MKRN2OS: variants seen among roughly 807,000 people sequenced by gnomAD.
MKRN2OS encodes MKRN2 opposite strand protein.
Under a neutral mutation model 18.2 loss-of-function variants are expected in MKRN2OS, and 17 were observed. That is an observed-to-expected ratio of 0.93 (90% confidence interval 0.64 to 1.40). The LOEUF is 1.40. Ranked by LOEUF, MKRN2OS falls within the 40% of genes most tolerant of loss-of-function variation. The pLI is 0.00. For synonymous variants in MKRN2OS, 121 were observed against 108.5 expected (o/e 1.12, Z -0.72); for missense variants, 337 against 283.0 (o/e 1.19, Z -1.37).
chr3:12,557,292 C>G, intron 1 of MKRN2OS: 2 of 1,325,348 alleles, frequency 1.5e-6, no homozygotes, highest in Non-Finnish European at 2.0e-6. Flanking sequence ...GAAAGTTACT[C>G]GGCTGTTCGC....
upstream of MKRN2OS, among the ~76,000 whole-genome samples, chr3:12,546,581 T>G (rs942844414): frequency 1.4e-5 from 2 of 142,698 alleles, no homozygotes; most frequent in African/African-American, 5.3e-5. Context: ...TGGGATTTTT[T>G]TTTTTTTTTT....
rs139750235 is a variant in MKRN2OS at position 12,544,590 on chromosome 3, G to A, written c.218+657C>T. 3.2e-3 allele frequency among the ~76,000 whole-genome samples: 482 copies of A among 151,572 alleles called. 1 individual carries two copies. The highest frequency in any genetic ancestry group is 0.011 in the African/African-American group (437 of 41,266). On this transcript the variant is annotated intron_variant, in intron 1 of 3. Transcript: ENST00000564146. Reference sequence around the variant, plus strand: ...ACTCGGGAGCCTGAGGCAGGCTCCCGAAAATCGCTTGAACCCGGGAGGTGG... The same window carrying A: ...ACTCGGGAGCCTGAGGCAGGCTCCCAAAAATCGCTTGAACCCGGGAGGTGG...
intron 1 of MKRN2OS, among the ~76,000 whole-genome samples, chr3:12,544,624 G>A (rs1449839154): frequency 6.6e-6 from 1 of 151,742 alleles, no homozygotes; most frequent in African/African-American, 2.4e-5. Context: ...GGAGGTTGCA[G>A]TAAGCTGAGA....
At chr3:12,560,481 A>AAAC (rs762424206) in intron 1 of MKRN2OS, among the ~76,000 whole-genome samples, 9 of 131,616 alleles carry the variant, frequency 6.8e-5, no homozygotes, top group Non-Finnish European at 1.2e-4. Flanking sequence ...GAAAATGTAA[A>AAAC]AAAAAAAAAA....
intron 1 of MKRN2OS, among the ~76,000 whole-genome samples, chr3:12,555,213 G>C: frequency 6.6e-6 from 1 of 151,290 alleles, no homozygotes; most frequent in East Asian, 1.9e-4. Flanking sequence ...TCCGGAGGCT[G>C]AGACAGGAGA....
At chr3:12,557,026 G>GCGGCGTGGGGCGGCGTGCGC in intron 1 of MKRN2OS, 1 of 1,044,186 alleles carries the variant, frequency 9.6e-7, no homozygotes, top group Non-Finnish European at 1.2e-6. Flanking sequence ...CACCGGAGGG[G>GCGGCGTGGGGCGGCGTGCGC]CGGCGTGCGC....
upstream of MKRN2OS, among the ~76,000 whole-genome samples, chr3:12,548,516 C>T (rs988864967): frequency 8.7e-5 from 13 of 150,128 alleles, no homozygotes; most frequent in Non-Finnish European, 1.8e-4. Context: ...TCTGTAGTCC[C>T]ACCTACTTGG....
intron 3 of MKRN2OS, 109 bp from the exon 4 acceptor site, chr3:12,540,542 C>G (rs1237511665): frequency 2.3e-6 from 3 of 1,284,734 alleles, no homozygotes; most frequent in African/African-American, 2.9e-5. Flanking sequence ...AAGCAAGGCC[C>G]CTGCATGTGC....
intron 1 of MKRN2OS, among the ~76,000 whole-genome samples, chr3:12,554,827 T>C (rs941977630): frequency 6.6e-6 from 1 of 152,222 alleles, no homozygotes; most frequent in African/African-American, 2.4e-5. Context: ...GAAAGATGTA[T>C]ACAAATTTGA....
intron 3 of MKRN2OS, 85 bp downstream of exon 3, chr3:12,541,775 G>T: frequency 7.3e-7 from 1 of 1,368,590 alleles, no homozygotes; most frequent in Non-Finnish European, 9.8e-7. Flanking sequence ...GTGCTGCTGA[G>T]TCCTCTGTGA....
chr3:12,549,605 T>C (rs2057913813), upstream of MKRN2OS, among the ~76,000 whole-genome samples: 1 of 152,182 alleles, frequency 6.6e-6, no homozygotes, highest in African/African-American at 2.4e-5. Context: ...TGGAGTGCAG[T>C]GGTGCAATCA....
chr3:12,540,129 A>T lies in MKRN2OS; in HGVS notation c.*64T>A. On this transcript the variant is annotated 3_prime_UTR_variant, in exon 4 of 4. Coordinates refer to ENST00000564146, the MANE Select transcript of MKRN2OS (RefSeq NM_001195279.2). Reference sequence around the variant, plus strand: ...CACAGTTAAATGCATTTAGAAATCCATAGTACTGATTAAAGGTAGCAACCA... The same window carrying T: ...CACAGTTAAATGCATTTAGAAATCCTTAGTACTGATTAAAGGTAGCAACCA... The T allele has an allele frequency of 6.5e-7, 1 of 1,532,598 alleles. No homozygotes were observed. The highest frequency in any genetic ancestry group is 2.0e-5 in the Admixed American group (1 of 50,910). 94.9% of individuals were successfully genotyped at this position (1,532,598 alleles called of 1,614,324 possible).
downstream of MKRN2OS, among the ~76,000 whole-genome samples, chr3:12,553,416 A>G (rs1040069624): frequency 3.3e-5 from 5 of 152,108 alleles, no homozygotes; most frequent in Non-Finnish European, 7.4e-5. Context: ...AAAACAATAT[A>G]GGTTTCTCAA....
downstream of MKRN2OS, among the ~76,000 whole-genome samples, chr3:12,550,595 C>T (rs1173555728): frequency 6.6e-6 from 1 of 152,176 alleles, no homozygotes. Flanking sequence ...TCCAAAATGC[C>T]CACTTGGCCC....
At chr3:12,549,647 A>C (rs917130485), upstream of MKRN2OS, among the ~76,000 whole-genome samples, 3 of 152,192 alleles carry the variant, frequency 2.0e-5, no homozygotes, top group Non-Finnish European at 2.9e-5. Context: ...TTCTGGGCTC[A>C]AGGGATCCTC....
At position 12,545,262 on chromosome 3, in the gene MKRN2OS, T is replaced by C; in HGVS notation, c.203A>G (p.Gln68Arg). ...EKCSFLLRPTQGTFLREYDGR... is the reference protein window; with the variant it reads ...EKCSFLLRPTRGTFLREYDGR... ...AACACTGTACCTAAGAAATGTCCCC[T>C]GAGTTGGTCTGAGGAGGAATGAACA... Residue 68 changes from glutamine (Q) to arginine (R), a missense_variant, in exon 1 of 4, where the codon CAG becomes CGG. Gln to Arg is a conservative substitution (Grantham distance 43, BLOSUM62 1). Transcript: ENST00000564146. 1.3e-6 allele frequency: 2 copies of C among 1,533,922 alleles called. No individual in the cohort carries two copies. The highest frequency in any genetic ancestry group is 2.7e-5 in the African/African-American group (2 of 73,110).
upstream of MKRN2OS, among the ~76,000 whole-genome samples, chr3:12,548,455 A>T (rs56389508): frequency 0.61 from 82,713 of 136,176 alleles, 27,655 homozygotes; most frequent in African/African-American, 0.86. Flanking sequence ...CTCAAAAAAA[A>T]AAAAAAAAAA....
At chr3:12,550,154 A>C (rs1435128882), upstream of MKRN2OS, among the ~76,000 whole-genome samples, 1 of 152,244 alleles carries the variant, frequency 6.6e-6, no homozygotes, top group Non-Finnish European at 1.5e-5. Context: ...CGTTTACAGC[A>C]GCTTCATTCA....
intron 1 of MKRN2OS, among the ~76,000 whole-genome samples, chr3:12,554,479 AATATATGAAAT>A (rs1337095559): frequency 9.1e-6 from 1 of 109,478 alleles, no homozygotes; most frequent in Non-Finnish European, 2.0e-5. Context: ...ATATATATGA[AATATATGAAAT>A]ATATATGAAA....
Sources: gnomAD v4.1 joint callset for allele counts (sites outside exome capture counted in the v4.1 genomes callset) on GRCh38, gnomAD v4.1.1 for gene constraint, MANE v1.5 for transcripts, NCBI Gene and HGNC (gene_info 2026-07-23, HGNC 2026-07-21) for gene names.